PCDHA10: variants seen among roughly 807,000 people sequenced by gnomAD.
The protein encoded by PCDHA10 is protocadherin alpha-10.
In PCDHA10, 45 loss-of-function variants were observed where a neutral mutation model predicts 61.2. The observed-to-expected ratio is 0.74, with a 90% confidence interval of 0.58 to 0.94. The LOEUF (loss-of-function observed/expected upper bound fraction) is 0.94. Among genes scored for constraint, PCDHA10 ranks in the 40% least tolerant of loss-of-function variants. PCDHA10 has a pLI of 0.00. For missense variants in PCDHA10, 1,278 were observed against 1,236.2 expected, an observed-to-expected ratio of 1.03 and a Z score of -0.51; for synonymous variants, 602 against 548.8, an observed-to-expected ratio of 1.10 and a Z score of -1.35.
chr5:140,999,987 G>T (rs1033618024), intron 3 of PCDHA10, among the ~76,000 whole-genome samples: 6 of 152,042 alleles, frequency 3.9e-5, no homozygotes, highest in Non-Finnish European at 7.4e-5. Context: ...CGGCCTCTGG[G>T]TAGTGGTATT....
chr5:140,877,821 T>C (rs2057358206), intron 1 of PCDHA10: 1 of 1,603,226 alleles, frequency 6.2e-7, no homozygotes, highest in East Asian at 2.2e-5. Flanking sequence ...GAGAAGATTG[T>C]TTAAATCCTC....
At chr5:140,993,460 TCTCACACACACACA>T (rs1441171729) in intron 3 of PCDHA10, among the ~76,000 whole-genome samples, 1 of 104,506 alleles carries the variant, frequency 9.6e-6, no homozygotes, top group Non-Finnish European at 1.9e-5. Flanking sequence ...CTTCTTTCTT[TCTCACACACACACA>T]CACACACACA....
chr5:140,946,807 A>G (rs1333101378), intron 1 of PCDHA10, among the ~76,000 whole-genome samples: 3 of 151,418 alleles, frequency 2.0e-5, no homozygotes, highest in Non-Finnish European at 4.4e-5. Context: ...CAGAGAGTAT[A>G]ACAGTGATTA....
intron 1 of PCDHA10, chr5:140,967,436 C>A (rs781894469): frequency 1.2e-6 from 2 of 1,613,378 alleles, no homozygotes; most frequent in Non-Finnish European, 8.5e-7. Flanking sequence ...AGCCTTGCAC[C>A]ACCTGGTTCT....
chr5:140,928,592 T>G (rs781970359), intron 1 of PCDHA10: 1 of 1,614,178 alleles, frequency 6.2e-7, no homozygotes, highest in Non-Finnish European at 8.5e-7. Context: ...TCTGTCCCAG[T>G]GGAAATTGTG....
intron 1 of PCDHA10, chr5:140,876,925 CAGA>C: frequency 6.2e-7 from 1 of 1,613,838 alleles, no homozygotes; most frequent in Non-Finnish European, 8.5e-7. Context: ...CGCGGACGCG[CAGA>C]AGAACGCGCT....
At chr5:140,905,407 A>G (rs2071810139) in intron 1 of PCDHA10, among the ~76,000 whole-genome samples, 1 of 152,158 alleles carries the variant, frequency 6.6e-6, no homozygotes, top group Non-Finnish European at 1.5e-5. Context: ...CTATTTTTAT[A>G]CCAGTACCAT....
intron 1 of PCDHA10, chr5:140,928,541 AC>A: frequency 3.7e-6 from 6 of 1,614,192 alleles, no homozygotes; most frequent in Non-Finnish European, 5.1e-6. Context: ...GATAGGAATG[AC>A]AATTATCCGG....
chr5:140,965,440 T>C (rs1028835719), intron 1 of PCDHA10, among the ~76,000 whole-genome samples: 42 of 151,984 alleles, frequency 2.8e-4, no homozygotes, highest in Admixed American at 1.3e-4. Context: ...GTCATTGAAA[T>C]TGCTGGTTAT....
At chr5:140,869,188 G>A (rs200563745) in intron 1 of PCDHA10, 5 of 1,613,828 alleles carry the variant, frequency 3.1e-6, no homozygotes, top group African/African-American at 2.7e-5. Context: ...GGTGGGGAGC[G>A]GCCAGCTCCA....
At chr5:141,001,872 CAAG>C (rs1329160545) in intron 3 of PCDHA10, among the ~76,000 whole-genome samples, 1 of 152,126 alleles carries the variant, frequency 6.6e-6, no homozygotes, top group African/African-American at 2.4e-5. Flanking sequence ...TGCCCAAAAC[CAAG>C]AAGGAGCAAA....
At chr5:140,877,159 C>G in intron 1 of PCDHA10, 2 of 1,613,818 alleles carry the variant, frequency 1.2e-6, no homozygotes, top group Non-Finnish European at 1.7e-6. Flanking sequence ...CGACAACGCG[C>G]CGGCACTGCT....
chr5:140,876,476 T>G, intron 1 of PCDHA10: 1 of 1,614,036 alleles, frequency 6.2e-7, no homozygotes, highest in Non-Finnish European at 8.5e-7. Context: ...GGTCACAGCA[T>G]GGTCCTGGTG....
chr5:140,876,467 G>T, intron 1 of PCDHA10: 1 of 1,614,020 alleles, frequency 6.2e-7, no homozygotes, highest in Non-Finnish European at 8.5e-7. Flanking sequence ...TCCATGGCAG[G>T]TCACAGCATG....
intron 3 of PCDHA10, among the ~76,000 whole-genome samples, chr5:140,986,392 C>T (rs1331552974): frequency 1.3e-5 from 2 of 152,162 alleles, no homozygotes; most frequent in South Asian, 2.1e-4. Context: ...CATTAAAGGG[C>T]CAGTCGCTCA....
chr5:140,924,752 G>A (rs970314481), intron 1 of PCDHA10, among the ~76,000 whole-genome samples: 5 of 151,648 alleles, frequency 3.3e-5, no homozygotes, highest in South Asian at 2.1e-4. Context: ...AAAATTAACC[G>A]AGCATGGTGG....
intron 1 of PCDHA10, among the ~76,000 whole-genome samples, chr5:140,954,639 T>A (rs1433862413): frequency 6.6e-6 from 1 of 152,240 alleles, no homozygotes; most frequent in East Asian, 1.9e-4. Flanking sequence ...TCTTGTAAAT[T>A]TGTTTAAGTT....
intron 1 of PCDHA10, among the ~76,000 whole-genome samples, chr5:140,892,079 G>A (rs985463495): frequency 2.0e-5 from 3 of 152,066 alleles, no homozygotes; most frequent in Admixed American, 6.6e-5. Context: ...ATAATTTCTA[G>A]TTTCCTCTCG....
intron 1 of PCDHA10, among the ~76,000 whole-genome samples, chr5:140,918,378 T>C (rs2078665832): frequency 6.6e-6 from 1 of 152,192 alleles, no homozygotes; most frequent in South Asian, 2.1e-4. Flanking sequence ...GGATGCCTTT[T>C]ATTTCTTTCT....
Sources: allele counts gnomAD v4.1 joint callset (sites outside exome capture counted in the v4.1 genomes callset), GRCh38; gene constraint gnomAD v4.1.1; transcripts MANE v1.5; gene names NCBI Gene and HGNC (gene_info 2026-07-23, HGNC 2026-07-21).